The following PRKCH variants were observed in gnomAD, a reference collection of about 807,000 sequenced individuals.
The protein encoded by PRKCH is protein kinase C eta.
Under a neutral mutation model 82.5 loss-of-function variants are expected in PRKCH, and 28 were observed. The observed-to-expected ratio is 0.34, with a 90% CI of 0.25 to 0.47. The LOEUF is 0.47. PRKCH is among the 20% of genes least tolerant of loss of function. The pLI is 1.00. For missense variants in PRKCH, 705 were observed against 881.8 expected, an observed-to-expected ratio of 0.80 and a Z score of 2.54; for synonymous variants, 322 against 327.4, an observed-to-expected ratio of 0.98 and a Z score of 0.18.
chr14:61,221,096 G>A (rs1383121754), intron 1 of PRKCH, among the ~76,000 whole-genome samples: 1 of 152,110 alleles, frequency 6.6e-6, no homozygotes, highest in Non-Finnish European at 1.5e-5. Context: ...AAAGGTGGGG[G>A]TTTCAGATTA....
chr14:61,296,771 G>GTATACA (rs2045409666), intron 1 of PRKCH, among the ~76,000 whole-genome samples: 2 of 152,152 alleles, frequency 1.3e-5, no homozygotes, highest in Non-Finnish European at 2.9e-5. Flanking sequence ...TTTTGTTTCT[G>GTATACA]TGGGAATAGT....
intron 1 of PRKCH, among the ~76,000 whole-genome samples, chr14:61,276,408 T>C (rs930358817): frequency 6.6e-6 from 1 of 151,842 alleles, no homozygotes; most frequent in Non-Finnish European, 1.5e-5. Flanking sequence ...CAGGCTGAAG[T>C]GCAGTGGCAT....
rs1427523303 is a variant in PRKCH, at chr14:61,549,765, T to A, written c.1986T>A (p.His662Gln). The stretch of plus-strand genomic sequence containing the variant: ...TTTTAACTCCAATTGATGAGGGACA[T>A]CTTCCAATGATTAACCAGGATGAGT... ...EPVLTPIDEGHLPMINQDEFR... is the reference protein window; with the variant it reads ...EPVLTPIDEGQLPMINQDEFR... The change falls in exon 14 of 14, where the codon CAT becomes CAA. Residue 662 changes from histidine to glutamine, a missense_variant. Physicochemically the swap from His to Gln is conservative, Grantham distance 24. This residue lies in a region of PRKCH where 91 missense variants were observed against 81.2 expected (regional missense o/e 1.12). Coordinates refer to ENST00000332981, the MANE Select transcript of PRKCH (RefSeq NM_006255.5). 6.2e-7 allele frequency: 1 copy of A among 1,613,980 alleles called. No individual in the cohort carries two copies. Among genetic ancestry groups the A allele is most frequent in the Non-Finnish European group, 8.5e-7 (1 of 1,179,908 alleles).
chr14:61,467,781 G>C (rs1239933660), intron 9 of PRKCH, among the ~76,000 whole-genome samples: 1 of 152,168 alleles, frequency 6.6e-6, no homozygotes, highest in Non-Finnish European at 1.5e-5. Flanking sequence ...ATATGTCCTA[G>C]GTGCTCATAT....
chr14:61,379,289 C>A (rs539722517), intron 1 of PRKCH, among the ~76,000 whole-genome samples: 6 of 152,160 alleles, frequency 3.9e-5, no homozygotes, highest in African/African-American at 1.4e-4. Flanking sequence ...GTGGAGCTTT[C>A]GTCTCCTTCC....
chr14:61,193,120 GTGGTAACCTCTAGAAGTAATTA>G (rs2044417920), intron 1 of PRKCH, among the ~76,000 whole-genome samples: 2 of 152,194 alleles, frequency 1.3e-5, no homozygotes, highest in Non-Finnish European at 2.9e-5. Flanking sequence ...GCAAACCACT[GTGGTAACCTCTAGAAGTAATTA>G]TGGACATCTG....
intron 1 of PRKCH, among the ~76,000 whole-genome samples, chr14:61,357,292 C>T (rs1448588819): frequency 6.6e-6 from 1 of 152,234 alleles, no homozygotes; most frequent in Non-Finnish European, 1.5e-5. Context: ...ACCCGCCTCA[C>T]TCTTTTAACA....
At chr14:61,299,221 G>T (rs2045430323) in intron 1 of PRKCH, among the ~76,000 whole-genome samples, 2 of 152,166 alleles carry the variant, frequency 1.3e-5, no homozygotes, top group Admixed American at 1.3e-4. Context: ...TCCTCATGGT[G>T]GTTCCAGAAA....
intron 1 of PRKCH, among the ~76,000 whole-genome samples, chr14:61,236,852 T>A (rs1329630868): frequency 6.6e-6 from 1 of 151,822 alleles, no homozygotes; most frequent in African/African-American, 2.4e-5. Flanking sequence ...CATGGCAACG[T>A]CAGGAAGTTA....
Position 61,330,460 on chromosome 14 carries a change from C to T in PRKCH, c.363+7996C>T, listed in dbSNP as rs192562881. 3.2e-3 allele frequency among the ~76,000 whole-genome samples: 490 copies of T among 152,278 alleles called. 2 individuals carry two copies. The highest frequency in any genetic ancestry group is 0.011 in the African/African-American group (463 of 41,558). On this transcript the variant is annotated intron_variant, in intron 1 of 13. Coordinates refer to ENST00000332981, the MANE Select transcript of PRKCH (RefSeq NM_006255.5). ...TGTGAACAGATGACCTGCAAAAGAA[C>T]TTTTGACTCCACAAAGGCAGAAAGT...
chr14:61,289,080 A>G (rs2045339415), intron 1 of PRKCH, among the ~76,000 whole-genome samples: 1 of 152,204 alleles, frequency 6.6e-6, no homozygotes, highest in Admixed American at 6.5e-5. Flanking sequence ...TTTGGTTGCC[A>G]CAGCTTTGAC....
At chr14:61,330,017 C>T (rs1566823449) in intron 1 of PRKCH, among the ~76,000 whole-genome samples, 1 of 152,192 alleles carries the variant, frequency 6.6e-6, no homozygotes, top group African/African-American at 2.4e-5. Flanking sequence ...TGAGCATGTA[C>T]TAAGTACCAG....
chr14:61,318,891 C>A (rs2045585567), upstream of PRKCH, among the ~76,000 whole-genome samples: 1 of 152,130 alleles, frequency 6.6e-6, no homozygotes, highest in Non-Finnish European at 1.5e-5. Flanking sequence ...GACAGTCTTG[C>A]CATGTTGCCA....
chr14:61,356,838 C>G (rs558749164), intron 1 of PRKCH, among the ~76,000 whole-genome samples: 1 of 152,092 alleles, frequency 6.6e-6, no homozygotes, highest in Non-Finnish European at 1.5e-5. Flanking sequence ...CCTACCACCA[C>G]GCCTGGCTAA....
chr14:61,511,853 C>G (rs1088683), intron 10 of PRKCH, among the ~76,000 whole-genome samples: 1 of 152,000 alleles, frequency 6.6e-6, no homozygotes, highest in Admixed American at 6.5e-5. Flanking sequence ...TCTGTGTCAA[C>G]GGGATCCCGA....
At chr14:61,396,098 AG>A (rs1400134522) in intron 2 of PRKCH, among the ~76,000 whole-genome samples, 22 of 138,776 alleles carry the variant, frequency 1.6e-4, no homozygotes, top group African/African-American at 3.6e-4. Context: ...AAAAAAAAAA[AG>A]AAAAGAAAAG....
intron 10 of PRKCH, among the ~76,000 whole-genome samples, chr14:61,524,267 T>C (rs1279575999): frequency 2.6e-5 from 4 of 152,244 alleles, no homozygotes; most frequent in Admixed American, 2.0e-4. Context: ...GGGAATTCTC[T>C]CTGAAACTAC....
intron 1 of PRKCH, among the ~76,000 whole-genome samples, chr14:61,298,008 T>C (rs1229661260): frequency 1.3e-5 from 2 of 152,190 alleles, no homozygotes; most frequent in African/African-American, 4.8e-5. Flanking sequence ...TTTAATCAGC[T>C]AATGGAAGAT....
In PRKCH at chr14:61,485,599, A is replaced by G; in HGVS notation, c.1376A>G (p.Tyr459Cys). Residue 459 changes from tyrosine to cysteine, a missense_variant, in exon 10 of 14, where the codon TAT (tyrosine) becomes TGT (cysteine). Tyr to Cys is a radical substitution (Grantham distance 194). Coordinates refer to ENST00000332981, the MANE Select transcript of PRKCH (RefSeq NM_006255.5). ...TTTGATGAAGCACGAGCTCGCTTCT[A>G]TGCTGCAGAAATCATTTCGGCTCTC... Reference protein sequence around the residue: ...RRFDEARARFYAAEIISALMF... With the variant: ...RRFDEARARFCAAEIISALMF... The G allele has an allele frequency of 6.2e-7, 1 of 1,614,174 alleles. No homozygotes were observed. Among genetic ancestry groups the G allele is most frequent in the Non-Finnish European group, 8.5e-7 (1 of 1,180,028 alleles).
Sources: gnomAD v4.1 joint callset for allele counts (sites outside exome capture counted in the v4.1 genomes callset) on GRCh38, gnomAD v4.1.1 for gene constraint, gnomAD v4.1.1 regional missense constraint, MANE v1.5 for transcripts, NCBI Gene and HGNC (gene_info 2026-07-23, HGNC 2026-07-21) for gene names.